SMAD7: variants seen among roughly 807,000 people sequenced by gnomAD.
SMAD7 encodes SMAD family member 7, also known as MAD (mothers against decapentaplegic, Drosophila) homolog 7.
A neutral mutation model predicts 38.7 loss-of-function variants in SMAD7; 8 were observed. The ratio of observed to expected loss-of-function variants is 0.21; its 90% CI spans 0.12 to 0.37. The LOEUF (loss-of-function observed/expected upper bound fraction) is 0.37, where lower values mean the gene tolerates loss of function less well. Among genes scored for constraint, SMAD7 ranks in the 10% least tolerant of loss-of-function variants. The pLI is 1.00. For missense variants in SMAD7, 477 were observed against 577.9 expected, an observed-to-expected ratio of 0.83 and a Z score of 1.79; for synonymous variants, 327 against 265.1, an observed-to-expected ratio of 1.23 and a Z score of -2.27.
chr18:48,937,807 G>C (rs1195137031), intron 3 of SMAD7, among the ~76,000 whole-genome samples: 1 of 152,240 alleles, frequency 6.6e-6, no homozygotes, highest in Non-Finnish European at 1.5e-5. Flanking sequence ...ACAAGCACCT[G>C]TCCACCTGAG....
chr18:48,942,520 T>C lies in SMAD7; in HGVS notation c.703A>G (p.Thr235Ala), dbSNP rs761099872. Residue 235 changes from threonine to alanine, a missense_variant, in exon 3 of 4, where the codon ACA becomes GCA. Around this residue, in one of 2 missense-constraint regions of SMAD7, gnomAD observed 376 missense variants for 379.4 expected, o/e 0.99. Transcript: ENST00000262158. Reference protein sequence around the residue: ...CPDAVPSSAETGGTNYLAPGG... With the variant: ...CPDAVPSSAEAGGTNYLAPGG... ...GGGGCCAGATAATTCGTTCCCCCTG[T>C]TTCAGCGGAGGAAGGCACAGCATCT... 1.9e-6 allele frequency: 3 copies of C among 1,608,720 alleles called. No homozygotes were observed. Among genetic ancestry groups the C allele is most frequent in the Non-Finnish European group, 2.5e-6 (3 of 1,178,094 alleles).
At chr18:48,934,453 CA>C (rs11438500) in intron 3 of SMAD7, among the ~76,000 whole-genome samples, 48 of 147,442 alleles carry the variant, frequency 3.3e-4, no homozygotes, top group South Asian at 2.8e-3. Context: ...TACCCCCCAT[CA>C]AAAAAAAAAA....
rs2070246943 is a variant in SMAD7, at chr18:48,950,250, C to T, written c.175G>A (p.Gly59Arg). 1 of 1,514,698 alleles carries T rather than the reference C, an allele frequency of 6.6e-7. No homozygotes were observed. Among genetic ancestry groups the T allele is most frequent in the Admixed American group, 2.0e-5 (1 of 48,782 alleles). 93.8% of individuals were successfully genotyped at this position (1,514,698 alleles called of 1,614,324 possible). ...GAGGGGPGRA[G>R]CCLGKAVRGA... ...CGCACCGCCTTGCCCAGGCAGCATCCAGCCCTGCCCGGGCCGCCGCCACCG... is the reference window on the plus strand; with the variant it reads ...CGCACCGCCTTGCCCAGGCAGCATCTAGCCCTGCCCGGGCCGCCGCCACCG... Residue 59 changes from glycine to arginine, a missense_variant, in exon 1 of 4, where the codon GGA becomes AGA. By Grantham distance (125) the Gly-to-Arg change is moderately radical (BLOSUM62 -2). Transcript: ENST00000262158.
intron 3 of SMAD7, among the ~76,000 whole-genome samples, chr18:48,922,844 C>T (rs572073634): frequency 6.6e-6 from 1 of 152,232 alleles, no homozygotes; most frequent in Admixed American, 6.5e-5. Flanking sequence ...CCCTCCCCTG[C>T]AGGCCCCGCC....
At chr18:48,946,997 G>T (rs2070202138) in intron 2 of SMAD7, among the ~76,000 whole-genome samples, 1 of 152,100 alleles carries the variant, frequency 6.6e-6, no homozygotes, top group African/African-American at 2.4e-5. Context: ...AAAAAAACAG[G>T]TCAGAGGTGG....
At chr18:48,948,492 A>G in intron 1 of SMAD7, 55 bp from the exon 2 acceptor site, 1 of 1,258,422 alleles carries the variant, frequency 7.9e-7, no homozygotes, top group Non-Finnish European at 1.1e-6. Context: ...AGAGAGATAG[A>G]AACTTATGAT....
chr18:48,926,176 A>G (rs1235991408), intron 3 of SMAD7, among the ~76,000 whole-genome samples: 1 of 152,238 alleles, frequency 6.6e-6, no homozygotes, highest in African/African-American at 2.4e-5. Flanking sequence ...AGAGAGGCAG[A>G]GCAGCTCCAA....
chr18:48,939,000 A>C (rs1356712705), intron 3 of SMAD7, among the ~76,000 whole-genome samples: 1 of 152,162 alleles, frequency 6.6e-6, no homozygotes. Context: ...CCACCCCACA[A>C]GTCCACAACC....
In SMAD7 at chr18:48,950,796, G is replaced by T. The variant is rs1053151602; in HGVS notation, c.-372C>A. On this transcript the variant is annotated 5_prime_UTR_variant, in exon 1 of 4. Coordinates refer to ENST00000262158, the MANE Select transcript of SMAD7 (RefSeq NM_005904.4). The stretch of plus-strand genomic sequence containing the variant: ...CCCGTCGGCGCCTCCCCAAAAAGAG[G>T]CCCCCCCGCAGTGGCTCCCGAATGT... 2.7e-5 allele frequency: 4 copies of T among 150,916 alleles called. No individual in the cohort carries two copies. Among genetic ancestry groups the T allele is most frequent in the African/African-American group, 4.8e-5 (2 of 41,262 alleles). The allele number at this position is 150,916 out of a possible 1,614,324, so 9.3% of individuals were successfully genotyped here.
chr18:48,947,220 C>G (rs935839172), intron 2 of SMAD7, among the ~76,000 whole-genome samples: 1 of 152,156 alleles, frequency 6.6e-6, no homozygotes, highest in Non-Finnish European at 1.5e-5. Context: ...CTTATTAGAC[C>G]GGCACCAGGC....
intron 3 of SMAD7, among the ~76,000 whole-genome samples, chr18:48,939,784 G>A (rs2070115943): frequency 6.6e-6 from 1 of 151,926 alleles, no homozygotes; most frequent in Admixed American, 6.6e-5. Context: ...CAAGGAGGAG[G>A]AGGGAGAAAC....
At chr18:48,922,512 C>A (rs2069874382) in intron 3 of SMAD7, among the ~76,000 whole-genome samples, 1 of 152,114 alleles carries the variant, frequency 6.6e-6, no homozygotes, top group South Asian at 2.1e-4. Context: ...AGGAACCTAT[C>A]TGGTAAAAAT....
chr18:48,926,296 G>A (rs945442724), intron 3 of SMAD7, among the ~76,000 whole-genome samples: 1 of 151,952 alleles, frequency 6.6e-6, no homozygotes, highest in South Asian at 2.1e-4. Flanking sequence ...GGTCCCCCAA[G>A]ATTCCATTTA....
chr18:48,945,576 T>A (rs2070186175), intron 2 of SMAD7, among the ~76,000 whole-genome samples: 2 of 152,182 alleles, frequency 1.3e-5, no homozygotes, highest in African/African-American at 2.4e-5. Context: ...AATGACCTAA[T>A]CTCTTTCATC....
At chr18:48,930,540 G>A (rs1183929201) in intron 3 of SMAD7, among the ~76,000 whole-genome samples, 2 of 152,256 alleles carry the variant, frequency 1.3e-5, no homozygotes, top group East Asian at 3.9e-4. Flanking sequence ...ATAAACATGG[G>A]CTCCCATAAA....
At chr18:48,929,569 T>TCTCTCTCTCACACACACA (rs3082710) in intron 3 of SMAD7, among the ~76,000 whole-genome samples, 7 of 114,556 alleles carry the variant, frequency 6.1e-5, no homozygotes, top group African/African-American at 2.4e-4. Flanking sequence ...TCTCTCTCTC[T>TCTCTCTCTCACACACACA]CACTCACACA....
At position 48,942,601 on chromosome 18, in the gene SMAD7, A is replaced by G. The variant is rs747385946; in HGVS notation, c.668-46T>C. On this transcript the variant is annotated intron_variant, in intron 2 of 3. Coordinates refer to ENST00000262158, the MANE Select transcript of SMAD7 (RefSeq NM_005904.4). ...GAGAAAGAAATAAATACACAAATAA[A>G]AACACCAAGATCCATCTTTAAGCAC... 39 of 1,612,844 alleles carry G rather than the reference A, an allele frequency of 2.4e-5. No individual in the cohort carries two copies. The Middle Eastern group carries it at 8.2e-4, about 34-fold the overall frequency.
intron 2 of SMAD7, chr18:48,942,864 A>G: frequency 9.7e-7 from 1 of 1,031,720 alleles, no homozygotes; most frequent in East Asian, 6.9e-5. Flanking sequence ...GTGGTTCCCA[A>G]GGTCAAAGGA....
chr18:48,929,569 T>TCTCTCTCACACACACACACACA (rs3082710), intron 3 of SMAD7, among the ~76,000 whole-genome samples: 54 of 114,622 alleles, frequency 4.7e-4, no homozygotes, highest in Admixed American at 1.4e-3. Context: ...TCTCTCTCTC[T>TCTCTCTCACACACACACACACA]CACTCACACA....
Sources: allele counts gnomAD v4.1 joint callset (sites outside exome capture counted in the v4.1 genomes callset), GRCh38; gene constraint gnomAD v4.1.1; regional missense constraint gnomAD v4.1.1; transcripts MANE v1.5; gene names NCBI Gene and HGNC (gene_info 2026-07-23, HGNC 2026-07-21).